PTPRM: variants seen among roughly 807,000 people sequenced by gnomAD.
PTPRM encodes protein tyrosine phosphatase receptor type M, also known as receptor-type tyrosine-protein phosphatase mu.
Under a neutral mutation model 186.7 loss-of-function variants are expected in PTPRM, and 47 were observed. That is an observed-to-expected ratio of 0.25 (90% CI 0.20 to 0.32). PTPRM has a LOEUF of 0.32. PTPRM is among the 10% of genes least tolerant of loss of function. PTPRM has a pLI of 1.00. For synonymous variants in PTPRM, 668 were observed against 674.9 expected (o/e 0.99, Z 0.16); for missense variants, 1,494 against 1,865.0 (o/e 0.80, Z 3.66).
chr18:7,997,791 C>T (rs571407017), intron 7 of PTPRM, among the ~76,000 whole-genome samples: 1 of 152,130 alleles, frequency 6.6e-6, no homozygotes, highest in African/African-American at 2.4e-5. Flanking sequence ...TCAACATCAC[C>T]AATCATTAGA....
intron 9 of PTPRM, among the ~76,000 whole-genome samples, chr18:8,082,073 T>C (rs988979587): frequency 2.0e-5 from 3 of 151,992 alleles, no homozygotes; most frequent in Non-Finnish European, 2.9e-5. Context: ...AAGATCCCAC[T>C]TGTCTTGAGT....
intron 1 of PTPRM, chr18:7,742,044 C>G (rs2040894199): frequency 6.6e-6 from 1 of 152,140 alleles, no homozygotes; most frequent in Non-Finnish European, 1.5e-5. Context: ...TTGTTCCCCA[C>G]TGAAATTTCC....
intron 2 of PTPRM, among the ~76,000 whole-genome samples, chr18:7,853,633 A>G (rs1015244166): frequency 1.3e-5 from 2 of 152,174 alleles, no homozygotes; most frequent in African/African-American, 4.8e-5. Flanking sequence ...TCAAACAGTT[A>G]TTTGTTGGCT....
chr18:8,028,930 CTT>C (rs2085755060), intron 7 of PTPRM, among the ~76,000 whole-genome samples: 1 of 152,212 alleles, frequency 6.6e-6, no homozygotes. Context: ...AATTTATACT[CTT>C]TGGTTTTTAC....
intron 14 of PTPRM, among the ~76,000 whole-genome samples, chr18:8,153,715 G>A (rs1459738753): frequency 1.3e-5 from 2 of 152,176 alleles, no homozygotes; most frequent in East Asian, 1.9e-4. Context: ...AAATTTGAAA[G>A]GTAGTGTTTT....
At chr18:7,594,714 G>A (rs866677947) in intron 1 of PTPRM, among the ~76,000 whole-genome samples, 2 of 152,246 alleles carry the variant, frequency 1.3e-5, no homozygotes, top group Middle Eastern at 3.4e-3. Context: ...AACAGAATGG[G>A]TGATGCTCTT....
chr18:8,384,516 A>C (rs1195248976), intron 29 of PTPRM, 45 bp from the exon 30 acceptor site: 1 of 1,609,122 alleles, frequency 6.2e-7, no homozygotes, highest in Non-Finnish European at 8.5e-7. Context: ...TTAGGAGTAA[A>C]TTTCCTCTTA....
chr18:7,974,232 T>A lies in PTPRM; in HGVS notation c.1132+18818T>A, dbSNP rs528297734. ...TGTTTATTCATTTATTGATTTAGTC[T>A]AATATTTTTGAGCATCTGCTGAGAG... On this transcript the variant is annotated intron_variant, in intron 7 of 32. Transcript: ENST00000580170. Among the ~76,000 whole-genome samples the A allele has an allele frequency of 3.9e-5, 6 of 152,332 alleles. No homozygotes were observed. In the South Asian group the frequency reaches 1.2e-3, roughly 32 times the overall value.
intron 14 of PTPRM, among the ~76,000 whole-genome samples, chr18:8,228,505 ATG>A (rs944832734): frequency 1.3e-5 from 2 of 152,110 alleles, no homozygotes; most frequent in African/African-American, 4.8e-5. Context: ...ATATGTGTAT[ATG>A]TGTGTGTATA....
At chr18:8,183,861 T>C (rs749311737) in intron 14 of PTPRM, among the ~76,000 whole-genome samples, 1 of 152,190 alleles carries the variant, frequency 6.6e-6, no homozygotes, top group Non-Finnish European at 1.5e-5. Context: ...GGCCTGCCAC[T>C]TGGGCCCCAG....
intron 1 of PTPRM, among the ~76,000 whole-genome samples, chr18:7,666,175 T>C (rs1241451752): frequency 2.0e-5 from 3 of 152,332 alleles, no homozygotes; most frequent in Admixed American, 6.5e-5. Context: ...TTATTCCTCC[T>C]TCCGTGAAGA....
At chr18:7,897,511 T>C (rs548471736) in intron 3 of PTPRM, among the ~76,000 whole-genome samples, 64 of 152,284 alleles carry the variant, frequency 4.2e-4, no homozygotes, top group Admixed American at 1.0e-3. Flanking sequence ...AAAGACAATA[T>C]GTCTCAAGAA....
intron 29 of PTPRM, among the ~76,000 whole-genome samples, chr18:8,382,209 A>G (rs141677148): frequency 1.3e-5 from 2 of 152,326 alleles, no homozygotes; most frequent in East Asian, 3.9e-4. Flanking sequence ...CGGACGTGTT[A>G]TGCACCATTT....
chr18:8,139,113 T>C (rs1032514118), intron 13 of PTPRM, among the ~76,000 whole-genome samples: 1 of 152,182 alleles, frequency 6.6e-6, no homozygotes, highest in East Asian at 1.9e-4. Flanking sequence ...TTGCTATCTC[T>C]TTTGTATGTC....
At chr18:7,984,602 T>TATATATATATATATACAC (rs1214502563) in intron 7 of PTPRM, among the ~76,000 whole-genome samples, 47 of 87,148 alleles carry the variant, frequency 5.4e-4, no homozygotes, top group African/African-American at 2.1e-3. Context: ...TATATATATA[T>TATATATATATATATACAC]ACACACACAC....
intron 8 of PTPRM, among the ~76,000 whole-genome samples, chr18:8,072,065 CT>C (rs2089514148): frequency 6.6e-6 from 1 of 151,880 alleles, no homozygotes; most frequent in Non-Finnish European, 1.5e-5. Flanking sequence ...GTATTTTTTT[CT>C]TTTTATTGTA....
At chr18:7,791,239 C>CTT (rs549711173) in intron 2 of PTPRM, among the ~76,000 whole-genome samples, 10 of 150,544 alleles carry the variant, frequency 6.6e-5, no homozygotes, top group Admixed American at 3.3e-4. Flanking sequence ...GTCTAGATCC[C>CTT]TTTTTTTTTC....
chr18:7,862,830 G>C (rs2047463345), intron 2 of PTPRM, among the ~76,000 whole-genome samples: 1 of 152,140 alleles, frequency 6.6e-6, no homozygotes. Context: ...CCCATCAACA[G>C]GTCTCGGTAT....
intron 29 of PTPRM, among the ~76,000 whole-genome samples, chr18:8,382,045 A>G (rs568337632): frequency 2.6e-5 from 4 of 152,328 alleles, no homozygotes; most frequent in Admixed American, 2.6e-4. Context: ...CTCCAGTTCT[A>G]TTCAGCAGAC....
Sources: allele counts gnomAD v4.1 joint callset (sites outside exome capture counted in the v4.1 genomes callset), GRCh38; gene constraint gnomAD v4.1.1; transcripts MANE v1.5; gene names NCBI Gene and HGNC (gene_info 2026-07-23, HGNC 2026-07-21).